The following CNTN6 variants were observed in gnomAD, a reference collection of about 807,000 sequenced individuals.
The protein encoded by CNTN6 is contactin 6, also known as contactin-6.
Under a neutral mutation model 122.8 loss-of-function variants are expected in CNTN6, and 137 were observed. The observed-to-expected ratio is 1.12, with a 90% CI of 0.97 to 1.29. The LOEUF is 1.29. CNTN6 is among the 50% of genes most tolerant of loss of function. CNTN6 has a pLI of 0.00. For missense variants in CNTN6, 1,634 were observed against 1,223.4 expected, an observed-to-expected ratio of 1.34 and a Z score of -5.01; for synonymous variants, 570 against 426.0, an observed-to-expected ratio of 1.34 and a Z score of -4.16.
chr3:1,109,983 G>A (rs947308398), intron 1 of CNTN6, among the ~76,000 whole-genome samples: 3 of 151,850 alleles, frequency 2.0e-5, no homozygotes, highest in Non-Finnish European at 4.4e-5. Flanking sequence ...ACTACCCATC[G>A]ATCTTATCTT....
At chr3:1,205,472 G>C (rs2093945474) in intron 2 of CNTN6, among the ~76,000 whole-genome samples, 1 of 152,032 alleles carries the variant, frequency 6.6e-6, no homozygotes, top group South Asian at 2.1e-4. Context: ...GACAGTCCTT[G>C]GTTTTCATCC....
rs532366554 is a variant in CNTN6, at chr3:1,340,331, CTATCTT to C, written c.1364+10400_1364+10405del. Reference sequence around the variant, plus strand: ...AAATAGTGATATGCAAGGTAAAACTCTATCTTTATGTCACTAAAAGGTATAGAATAA... The same window carrying C: ...AAATAGTGATATGCAAGGTAAAACTCTATGTCACTAAAAGGTATAGAATAA... On this transcript the variant is annotated intron_variant, in intron 11 of 22. Coordinates refer to ENST00000446702, the MANE Select transcript of CNTN6 (RefSeq NM_001289080.2). Among the ~76,000 whole-genome samples the C allele has an allele frequency of 1.2e-3, 179 of 152,226 alleles. 1 individual carries two copies. The South Asian group carries it at 0.017, about 14-fold the overall frequency.
In CNTN6 at chr3:1,287,672, C is replaced by G. The variant is rs1169905619; in HGVS notation, c.455-7929C>G. On this transcript the variant is annotated intron_variant, in intron 5 of 22. Coordinates refer to ENST00000446702, the MANE Select transcript of CNTN6 (RefSeq NM_001289080.2). ...GAAGCCAGCCAAAACCCACCAAAACCAAGATGGTGAAAAAAGCTATCTCTA... is the reference window on the plus strand; with the variant it reads ...GAAGCCAGCCAAAACCCACCAAAACGAAGATGGTGAAAAAAGCTATCTCTA... Among the ~76,000 whole-genome samples the G allele has an allele frequency of 2.7e-5, 4 of 150,108 alleles. No homozygotes were observed. The East Asian group carries it at 7.8e-4, about 29-fold the overall frequency.
chr3:1,246,817 A>ACCTC (rs1476953278), intron 4 of CNTN6, among the ~76,000 whole-genome samples: 1 of 149,940 alleles, frequency 6.7e-6, no homozygotes, highest in Non-Finnish European at 1.5e-5. Flanking sequence ...CTATTTGGAA[A>ACCTC]CCTCCCTCCC....
chr3:1,094,192 TTTTG>T (rs1173104081), intron 1 of CNTN6, among the ~76,000 whole-genome samples: 1 of 152,228 alleles, frequency 6.6e-6, no homozygotes, highest in Non-Finnish European at 1.5e-5. Flanking sequence ...ATCTTTTTAT[TTTTG>T]TTGTTGAAGG....
Position 1,334,922 on chromosome 3 carries a change from ATTTC to A in CNTN6, c.1364+4990_1364+4993del, listed in dbSNP as rs1428894599. On this transcript the variant is annotated intron_variant, in intron 11 of 22. Transcript: ENST00000446702. The stretch of plus-strand genomic sequence containing the variant: ...CGATGGTATGATTATTCATTTATTA[ATTTC>A]TTCATTCATTCTGCAAATATTTGCT... Among the ~76,000 whole-genome samples the A allele has an allele frequency of 3.3e-5, 5 of 152,128 alleles. No homozygotes were observed. In the East Asian group the frequency reaches 5.8e-4, roughly 18 times the overall value.
intron 4 of CNTN6, among the ~76,000 whole-genome samples, chr3:1,245,834 C>G (rs1231250289): frequency 2.0e-5 from 3 of 151,964 alleles, no homozygotes; most frequent in East Asian, 3.9e-4. Flanking sequence ...AGTGTCCAAT[C>G]TTTTGGCTTC....
At chr3:1,369,785 G>C (rs1328839996) in intron 12 of CNTN6, among the ~76,000 whole-genome samples, 1 of 150,418 alleles carries the variant, frequency 6.6e-6, no homozygotes, top group Non-Finnish European at 1.5e-5. Flanking sequence ...TTTTTTCAGA[G>C]TAACTACAAA....
intron 20 of CNTN6, 134 bp from the exon 21 acceptor site, chr3:1,401,299 A>C (rs2126261700): frequency 1.5e-6 from 1 of 683,182 alleles, no homozygotes; most frequent in Admixed American, 3.0e-5. Context: ...AATATATTTC[A>C]AATGACACTG....
At chr3:1,212,391 AC>A (rs1268771514) in intron 2 of CNTN6, among the ~76,000 whole-genome samples, 1 of 151,566 alleles carries the variant, frequency 6.6e-6, no homozygotes, top group Non-Finnish European at 1.5e-5. Context: ...TGTAGAGAGT[AC>A]CATTATAATC....
chr3:1,173,778 A>G lies in CNTN6; in HGVS notation c.55+25715A>G, dbSNP rs1051571591. Among the ~76,000 whole-genome samples the G allele has an allele frequency of 6.3e-4, 30 of 47,304 alleles. 1 individual carries two copies. The highest frequency in any genetic ancestry group is 1.6e-3 in the East Asian group (4 of 2,514). 31.0% of individuals were successfully genotyped at this position (47,304 alleles called of 152,430 possible). ...TGTTTCCTGTATTTTCCTTTTGGGG[A>G]AAAAAAAAAAAAACTAAAATAATGA... On this transcript the variant is annotated intron_variant, in intron 2 of 22. Transcript: ENST00000446702.
At chr3:1,126,191 T>A (rs934450630) in intron 1 of CNTN6, among the ~76,000 whole-genome samples, 8 of 152,068 alleles carry the variant, frequency 5.3e-5, no homozygotes, top group African/African-American at 1.9e-4. Context: ...GAAGGCTTTC[T>A]AAGCCTCCAT....
intron 4 of CNTN6, among the ~76,000 whole-genome samples, chr3:1,243,838 G>C (rs1022084859): frequency 7.9e-5 from 12 of 152,078 alleles, no homozygotes; most frequent in Non-Finnish European, 1.6e-4. Flanking sequence ...GCAGCTTGGG[G>C]AGGACGGGAA....
At chr3:1,169,195 T>C (rs538147704) in intron 2 of CNTN6, among the ~76,000 whole-genome samples, 3 of 152,314 alleles carry the variant, frequency 2.0e-5, no homozygotes, top group African/African-American at 7.2e-5. Context: ...GAGCATGCAA[T>C]TGGCAGAGGA....
intron 2 of CNTN6, among the ~76,000 whole-genome samples, chr3:1,174,574 A>G (rs772488787): frequency 2.6e-5 from 4 of 152,158 alleles, no homozygotes; most frequent in Non-Finnish European, 5.9e-5. Context: ...TCTTTTCTGC[A>G]TTTAAAATTC....
At chr3:1,349,409 A>T (rs976434954) in intron 11 of CNTN6, among the ~76,000 whole-genome samples, 30 of 150,062 alleles carry the variant, frequency 2.0e-4, no homozygotes, top group African/African-American at 7.3e-4. Context: ...TTTTTTTTAA[A>T]TGCCAGAGAA....
At chr3:1,190,597 G>A (rs1006760518) in intron 2 of CNTN6, among the ~76,000 whole-genome samples, 1 of 152,142 alleles carries the variant, frequency 6.6e-6, no homozygotes, top group African/African-American at 2.4e-5. Flanking sequence ...GAGAGTTTAA[G>A]CAAAGTTTAA....
In CNTN6 at chr3:1,281,207, C is replaced by G. The variant is rs540002485; in HGVS notation, c.454+2699C>G. Reference sequence around the variant, plus strand: ...TTGAAGGTCATCTTGGGATTTTGCCCTACAATATGTTTCTCAAATATTATT... The same window carrying G: ...TTGAAGGTCATCTTGGGATTTTGCCGTACAATATGTTTCTCAAATATTATT... On this transcript the variant is annotated intron_variant, in intron 5 of 22. Transcript: ENST00000446702. Among the ~76,000 whole-genome samples, 12 of 152,192 alleles carry G rather than the reference C, an allele frequency of 7.9e-5. No homozygotes were observed. The South Asian group carries it at 1.2e-3, about 16-fold the overall frequency.
At chr3:1,253,102 C>G (rs1368260489) in intron 4 of CNTN6, among the ~76,000 whole-genome samples, 1 of 152,150 alleles carries the variant, frequency 6.6e-6, no homozygotes, top group African/African-American at 2.4e-5. Context: ...ATTTTGCCAG[C>G]AGGCAAAGCC....
Sources: allele counts gnomAD v4.1 joint callset (sites outside exome capture counted in the v4.1 genomes callset), GRCh38; gene constraint gnomAD v4.1.1; transcripts MANE v1.5; gene names NCBI Gene and HGNC (gene_info 2026-07-23, HGNC 2026-07-21).